Variants in DTHD1 observed in about 807,000 individuals in gnomAD.
DTHD1 encodes death domain-containing protein 1.
A neutral mutation model predicts 74.8 loss-of-function variants in DTHD1; 59 were observed. The ratio of observed to expected loss-of-function variants is 0.79; its 90% CI spans 0.64 to 0.98. The LOEUF (loss-of-function observed/expected upper bound fraction) is 0.98. Ranked by LOEUF, DTHD1 falls within the 50% of genes least tolerant of loss-of-function variation. DTHD1 has a pLI of 0.00. For synonymous variants in DTHD1, 365 were observed against 371.1 expected (o/e 0.98, Z 0.19); for missense variants, 1,051 against 1,065.4 (o/e 0.99, Z 0.19).
At chr4:36,319,084 T>G (rs1241872443) in intron 8 of DTHD1, among the ~76,000 whole-genome samples, 1 of 152,230 alleles carries the variant, frequency 6.6e-6, no homozygotes, top group Non-Finnish European at 1.5e-5. Flanking sequence ...GAGGTCACTT[T>G]TTTAACTTGT....
intron 2 of DTHD1, among the ~76,000 whole-genome samples, chr4:36,287,192 G>A (rs994960019): frequency 6.6e-5 from 10 of 152,046 alleles, no homozygotes; most frequent in Admixed American, 6.6e-4. Flanking sequence ...TGCATCCTCA[G>A]AGCTCAGCTC....
chr4:36,325,426 G>T (rs1319792812), intron 8 of DTHD1, among the ~76,000 whole-genome samples: 2 of 152,188 alleles, frequency 1.3e-5, no homozygotes, highest in Non-Finnish European at 2.9e-5. Flanking sequence ...CTAGGAGAGT[G>T]ATATGATCAA....
At chr4:36,319,306 G>A (rs1258696313) in intron 8 of DTHD1, among the ~76,000 whole-genome samples, 2 of 152,132 alleles carry the variant, frequency 1.3e-5, no homozygotes, top group East Asian at 3.9e-4. Flanking sequence ...AATAAGGGGA[G>A]GTCTATAGCT....
chr4:36,311,616 T>C (rs10025139), intron 7 of DTHD1: 43,777 of 152,038 alleles, frequency 0.29, 7,204 homozygotes, highest in African/African-American at 0.45. Flanking sequence ...GATCCTCCTT[T>C]TTTCATTTGT....
chr4:36,328,886 G>T (rs1758508161), intron 8 of DTHD1, among the ~76,000 whole-genome samples: 1 of 152,076 alleles, frequency 6.6e-6, no homozygotes, highest in East Asian at 1.9e-4. Context: ...TCCAATCAGG[G>T]CCTACACATC....
chr4:36,341,149 C>T (rs6531432), intron 9 of DTHD1, among the ~76,000 whole-genome samples: 1 of 151,898 alleles, frequency 6.6e-6, no homozygotes, highest in Non-Finnish European at 1.5e-5. Context: ...GGAACTTGAG[C>T]CCTCAAGTTT....
chr4:36,308,059 A>T, intron 6 of DTHD1, 145 bp from the exon 7 acceptor site: 2 of 856,052 alleles, frequency 2.3e-6, no homozygotes, highest in Non-Finnish European at 3.5e-6. Context: ...TACAATCATT[A>T]ATGAATCTCA....
In DTHD1 at chr4:36,343,368, G is replaced by A; in HGVS notation, c.2399-134G>A. The A allele has an allele frequency of 4.0e-6, 3 of 744,232 alleles. No individual in the cohort carries two copies. The East Asian group carries it at 8.2e-5, about 20-fold the overall frequency. 46.1% of individuals were successfully genotyped at this position (744,232 alleles called of 1,614,324 possible). On this transcript the variant is annotated intron_variant, in intron 9 of 9. Coordinates refer to ENST00000639862, the MANE Select transcript of DTHD1 (RefSeq NM_001170700.3). ...AGGCTTTTGATTGTTGCTCCAGGTAGTCTCATATCTCTGCACTGCTCCAAG... is the reference window on the plus strand; with the variant it reads ...AGGCTTTTGATTGTTGCTCCAGGTAATCTCATATCTCTGCACTGCTCCAAG...
chr4:36,319,394 T>G (rs1217896656), intron 8 of DTHD1, among the ~76,000 whole-genome samples: 1 of 152,256 alleles, frequency 6.6e-6, no homozygotes, highest in Non-Finnish European at 1.5e-5. Flanking sequence ...GTTTAGAGCC[T>G]GATTCTACAA....
chr4:36,287,772 T>C (rs1043064700), intron 2 of DTHD1, among the ~76,000 whole-genome samples: 5 of 152,216 alleles, frequency 3.3e-5, no homozygotes, highest in Admixed American at 1.3e-4. Context: ...TGTTGACCAT[T>C]TGCATATCTT....
At chr4:36,342,633 A>C (rs1453432039) in intron 9 of DTHD1, among the ~76,000 whole-genome samples, 2 of 151,946 alleles carry the variant, frequency 1.3e-5, no homozygotes, top group Non-Finnish European at 2.9e-5. Flanking sequence ...TGGGTGGTAG[A>C]TCATGTCGTG....
rs1054325137 is a variant in DTHD1 at position 36,284,546 on chromosome 4, A to G, written c.842A>G (p.Asn281Ser). 3.3e-6 allele frequency: 5 copies of G among 1,529,306 alleles called. No individual in the cohort carries two copies. Among genetic ancestry groups the G allele is most frequent in the East Asian group, 2.4e-5 (1 of 40,860 alleles). The allele number at this position is 1,529,306 out of a possible 1,614,324, so 94.7% of individuals were successfully genotyped here. The change falls in exon 2 of 10, where the codon AAT becomes AGT. Residue 281 changes from asparagine (N) to serine (S), a missense_variant. Transcript: ENST00000639862. ...AAATATATAAATAGTACTCTTCCCA[A>G]TGATTCAGAGAATATAAAGCACAAG... ...SKKYINSTLP[N>S]DSENIKHKNN...
intron 8 of DTHD1, among the ~76,000 whole-genome samples, chr4:36,318,979 C>T (rs992739289): frequency 3.9e-5 from 6 of 152,168 alleles, no homozygotes; most frequent in African/African-American, 1.4e-4. Context: ...ACGCATGCGG[C>T]AATTTTCCCT....
At chr4:36,336,099 A>G (rs985607800) in intron 8 of DTHD1, among the ~76,000 whole-genome samples, 1 of 152,224 alleles carries the variant, frequency 6.6e-6, no homozygotes, top group African/African-American at 2.4e-5. Context: ...ATTCAGGGAA[A>G]ACAGCCACAT....
chr4:36,330,724 A>G (rs1336806983), intron 8 of DTHD1, among the ~76,000 whole-genome samples: 1 of 152,138 alleles, frequency 6.6e-6, no homozygotes, highest in Non-Finnish European at 1.5e-5. Flanking sequence ...ACCCCAGACC[A>G]TTGTTATGGG....
intron 8 of DTHD1, among the ~76,000 whole-genome samples, chr4:36,318,373 A>G (rs779920647): frequency 6.6e-6 from 1 of 152,224 alleles, no homozygotes; most frequent in Non-Finnish European, 1.5e-5. Flanking sequence ...TTAACAAATG[A>G]TATGACCTGG....
intron 1 of DTHD1, among the ~76,000 whole-genome samples, chr4:36,282,726 G>C (rs1453872623): frequency 6.6e-6 from 1 of 152,128 alleles, no homozygotes; most frequent in East Asian, 1.9e-4. Context: ...ACAGTATCAA[G>C]ATAAGTGGGC....
Position 36,345,370 on chromosome 4 carries a change from C to T in DTHD1, c.*1546C>T, listed in dbSNP as rs1304724492. The T allele has an allele frequency of 6.6e-6, 1 of 152,178 alleles. No individual in the cohort carries two copies. Among genetic ancestry groups the T allele is most frequent in the Non-Finnish European group, 1.5e-5 (1 of 68,024 alleles). 9.4% of individuals were successfully genotyped at this position (152,178 alleles called of 1,614,324 possible). A position where few individuals can be genotyped will look rare whatever the true frequency, so the allele number is the denominator to read the frequency against. On this transcript the variant is annotated 3_prime_UTR_variant, in exon 10 of 10. Coordinates refer to ENST00000639862, the MANE Select transcript of DTHD1 (RefSeq NM_001170700.3). ...TAAATGGGACATTGAACTAGTTTCA[C>T]TGACTCATTAATGCAAAAACCATTA...
rs563914985 is a variant in DTHD1 at position 36,318,707 on chromosome 4, T to A, written c.2340+2221T>A. Among the ~76,000 whole-genome samples the A allele has an allele frequency of 2.8e-5, 4 of 142,990 alleles. No homozygotes were observed. The East Asian group carries it at 8.4e-4, about 30-fold the overall frequency. 93.8% of individuals were successfully genotyped at this position (142,990 alleles called of 152,430 possible). ...TCGGCTCACTGCAAGCTCCGCCTCC[T>A]GGGTTGACGCCATTCTCCTGCCTCA... On this transcript the variant is annotated intron_variant, in intron 8 of 9. Transcript: ENST00000639862.
Sources: allele counts gnomAD v4.1 joint callset (sites outside exome capture counted in the v4.1 genomes callset), GRCh38; gene constraint gnomAD v4.1.1; transcripts MANE v1.5; gene names NCBI Gene and HGNC (gene_info 2026-07-23, HGNC 2026-07-21).